Variants in DNAH6 observed in about 807,000 individuals in gnomAD.
DNAH6 encodes dynein axonemal heavy chain 6.
DNAH6 carries 340 observed loss-of-function variants against 491.4 expected under a neutral mutation model. That is an observed-to-expected ratio of 0.69 (90% confidence interval 0.63 to 0.76). DNAH6 has a LOEUF of 0.76. Ranked by LOEUF, DNAH6 falls within the 30% of genes least tolerant of loss-of-function variation. DNAH6 has a pLI of 0.00. For missense variants in DNAH6, 4,443 were observed against 4,972.2 expected, an observed-to-expected ratio of 0.89 and a Z score of 3.20; for synonymous variants, 1,603 against 1,686.1, an observed-to-expected ratio of 0.95 and a Z score of 1.21.
At chr2:84,703,657 G>A (rs900357253) in intron 50 of DNAH6, 95 bp downstream of exon 50, 9 of 1,077,158 alleles carry the variant, frequency 8.4e-6, no homozygotes, top group Non-Finnish European at 1.0e-5. Flanking sequence ...TATTATATAT[G>A]TTATTAAAAT....
chr2:84,606,387 T>C (rs978932865), intron 20 of DNAH6, among the ~76,000 whole-genome samples: 2 of 152,164 alleles, frequency 1.3e-5, no homozygotes, highest in Admixed American at 6.5e-5. Flanking sequence ...AGCTTATAAT[T>C]GAAATGGACC....
At chr2:84,641,858 G>A (rs954721624) in intron 32 of DNAH6, 89 bp from the exon 33 acceptor site, 3 of 1,010,556 alleles carry the variant, frequency 3.0e-6, no homozygotes, top group Non-Finnish European at 4.4e-6. Flanking sequence ...AATCCTCAGG[G>A]GAAGGGCTCT....
At chr2:84,525,488 A>G (rs1676525431) in intron 2 of DNAH6, 77 bp from the exon 3 acceptor site, 4 of 1,367,582 alleles carry the variant, frequency 2.9e-6, no homozygotes, top group Admixed American at 2.7e-5. Flanking sequence ...CAGGAGAAAG[A>G]GTCCAAAGGT....
Position 84,694,292 on chromosome 2 carries a change from G to A in DNAH6, c.7336G>A (p.Val2446Ile), listed in dbSNP as rs1215602926. The A allele has an allele frequency of 6.4e-7, 1 of 1,552,210 alleles. No homozygotes were observed. The highest frequency in any genetic ancestry group is 1.4e-5 in the African/African-American group (1 of 73,202). The change falls in exon 46 of 77, where the codon GTT (valine) becomes ATT (isoleucine). Residue 2446 changes from valine (V) to isoleucine (I), a missense_variant. Physicochemically the swap from Val to Ile is conservative, Grantham distance 29 (BLOSUM62 3). Transcript: ENST00000389394. ...IRQERGNALL[V>I]GVGGTGKQSL... ...TCAAGAAAGAGGCAATGCCCTGCTT[G>A]TTGGAGTAGGAGGCACAGGAAAGCA...
intron 14 of DNAH6, among the ~76,000 whole-genome samples, chr2:84,582,100 A>G (rs989002463): frequency 6.6e-6 from 1 of 152,240 alleles, no homozygotes; most frequent in Non-Finnish European, 1.5e-5. Flanking sequence ...ACTTAATTCT[A>G]TACATAACTT....
At chr2:84,759,819 A>T (rs1674397436) in intron 63 of DNAH6, among the ~76,000 whole-genome samples, 1 of 152,102 alleles carries the variant, frequency 6.6e-6, no homozygotes. Flanking sequence ...CAATCCTAAG[A>T]AAAAAGAAAA....
intron 64 of DNAH6, among the ~76,000 whole-genome samples, chr2:84,765,861 TAAAG>T: frequency 6.6e-6 from 1 of 151,736 alleles, no homozygotes; most frequent in East Asian, 1.9e-4. Context: ...AGGTAGAAAA[TAAAG>T]AAATTCAAAA....
Position 84,529,113 on chromosome 2 carries a change from T to C in DNAH6, c.609T>C (p.Tyr203=). ...IRENEHLGFL[Y]MIPAVPRSSI... ...AAAATGAACATCTTGGATTTCTTTA[T>C]ATGATCCCTGCAGTGCCAAGATCAT... is the stretch of plus-strand genomic sequence containing the variant. The change falls in exon 4 of 77, where the codon TAT becomes TAC. Residue 203 remains tyrosine (Y), a synonymous_variant. Transcript: ENST00000389394. 6.4e-7 allele frequency: 1 copy of C among 1,550,870 alleles called. No individual in the cohort carries two copies. The highest frequency in any genetic ancestry group is 8.7e-7 in the Non-Finnish European group (1 of 1,146,398).
At chr2:84,768,946 G>A (rs1675350971) in intron 64 of DNAH6, among the ~76,000 whole-genome samples, 1 of 152,242 alleles carries the variant, frequency 6.6e-6, no homozygotes, top group African/African-American at 2.4e-5. Context: ...GAAAATCTAT[G>A]TGCTATGGTG....
chr2:84,583,983 CTA>C lies in DNAH6; in HGVS notation c.2230-14_2230-13del, dbSNP rs745783576. 8.7e-6 allele frequency: 14 copies of C among 1,611,164 alleles called. No individual in the cohort carries two copies. In the East Asian group the frequency reaches 1.3e-4, roughly 15 times the overall value. Reference sequence around the variant, plus strand: ...GATTCTGCTACATTTAATGAGCAAACTATGTTTCCATTTAGATTGAAAGCCTT... The same window carrying C: ...GATTCTGCTACATTTAATGAGCAAACTGTTTCCATTTAGATTGAAAGCCTT... On this transcript the variant is annotated splice_polypyrimidine_tract_variant and intron_variant, in intron 14 of 76. Transcript: ENST00000389394.
At chr2:84,701,449 A>C in intron 49 of DNAH6, 110 bp downstream of exon 49, 2 of 1,106,380 alleles carry the variant, frequency 1.8e-6, no homozygotes, top group Non-Finnish European at 2.5e-6. Flanking sequence ...GTATTAGTCC[A>C]TTCTCGCACT....
chr2:84,535,674 C>T, intron 4 of DNAH6, among the ~76,000 whole-genome samples: 1 of 143,356 alleles, frequency 7.0e-6, no homozygotes. Context: ...CTACTTGGAA[C>T]CAGAAAAGCA....
intron 9 of DNAH6, 53 bp downstream of exon 9, chr2:84,550,110 T>G: frequency 7.2e-7 from 1 of 1,392,258 alleles, no homozygotes; most frequent in Non-Finnish European, 1.0e-6. Context: ...TATTGAGGAG[T>G]GCAAACTACG....
At chr2:84,514,114 C>T (rs1675440412), upstream of DNAH6, among the ~76,000 whole-genome samples, 1 of 152,322 alleles carries the variant, frequency 6.6e-6, no homozygotes, top group African/African-American at 2.4e-5. Context: ...TTTGTACCCA[C>T]AGCACCCACA....
At chr2:84,602,797 G>GTTTTTTTTTTTTTTTTTTTTCTCTT in intron 18 of DNAH6, among the ~76,000 whole-genome samples, 1 of 121,870 alleles carries the variant, frequency 8.2e-6, no homozygotes, top group African/African-American at 3.2e-5. Context: ...TGGATGCTCT[G>GTTTTTTTTTTTTTTTTTTTTCTCTT]TTTTTTTTTT....
chr2:84,619,594 G>T, intron 23 of DNAH6, 91 bp from the exon 24 acceptor site: 1 of 1,171,542 alleles, frequency 8.5e-7, no homozygotes, highest in Admixed American at 2.1e-5. Flanking sequence ...GGTGGACAGG[G>T]AAGAGATGTG....
At chr2:84,535,843 G>A (rs964526219) in intron 4 of DNAH6, among the ~76,000 whole-genome samples, 3 of 151,894 alleles carry the variant, frequency 2.0e-5, no homozygotes, top group African/African-American at 7.2e-5. Context: ...ACTATTTAGA[G>A]TCTCTGAGGT....
At chr2:84,773,127 A>C (rs1241876013) in intron 64 of DNAH6, among the ~76,000 whole-genome samples, 2 of 152,084 alleles carry the variant, frequency 1.3e-5, no homozygotes, top group Non-Finnish European at 2.9e-5. Flanking sequence ...TAACACGTGC[A>C]TATTGCATGT....
intron 59 of DNAH6, among the ~76,000 whole-genome samples, chr2:84,719,787 G>C (rs1037906853): frequency 8.6e-5 from 13 of 151,818 alleles, no homozygotes; most frequent in Admixed American, 5.9e-4. Context: ...GCCTCCCAAA[G>C]TGTCGGAATT....
Sources: gnomAD v4.1 joint callset for allele counts (sites outside exome capture counted in the v4.1 genomes callset) on GRCh38, gnomAD v4.1.1 for gene constraint, MANE v1.5 for transcripts, NCBI Gene and HGNC (gene_info 2026-07-23, HGNC 2026-07-21) for gene names.